The following TRPS1 variants were observed in gnomAD, a reference collection of about 807,000 sequenced individuals.
TRPS1 encodes zinc finger transcription factor Trps1.
A neutral mutation model predicts 101.2 loss-of-function variants in TRPS1; 6 were observed. The ratio of observed to expected loss-of-function variants is 0.06; its 90% CI spans 0.03 to 0.12. The LOEUF (loss-of-function observed/expected upper bound fraction) is 0.12. TRPS1 is among the 10% of genes least tolerant of loss of function. The probability of loss-of-function intolerance (pLI) is 1.00; values close to 1 mark genes in which losing one functional copy is unlikely to be tolerated. For synonymous variants in TRPS1, 578 were observed against 589.8 expected, an observed-to-expected ratio of 0.98 and a Z score of 0.29; for missense variants, 1,363 against 1,567.0, an observed-to-expected ratio of 0.87 and a Z score of 2.20.
intron 5 of TRPS1, among the ~76,000 whole-genome samples, chr8:115,545,337 C>T (rs943430184): frequency 6.6e-6 from 1 of 152,154 alleles, no homozygotes; most frequent in Non-Finnish European, 1.5e-5. Flanking sequence ...ACGAATTATA[C>T]TTTTCCTTCC....
intron 5 of TRPS1, among the ~76,000 whole-genome samples, chr8:115,442,907 CG>C (rs1396514175): frequency 6.6e-6 from 1 of 151,616 alleles, no homozygotes; most frequent in African/African-American, 2.4e-5. Flanking sequence ...CTGGCTAACA[CG>C]GTGAAAACCC....
At chr8:115,461,892 C>T (rs553811914) in intron 5 of TRPS1, among the ~76,000 whole-genome samples, 5 of 151,834 alleles carry the variant, frequency 3.3e-5, no homozygotes, top group Non-Finnish European at 5.9e-5. Flanking sequence ...AATAATATAA[C>T]GAAAGTAAAA....
intron 5 of TRPS1, among the ~76,000 whole-genome samples, chr8:115,552,259 A>G (rs1451042432): frequency 6.6e-6 from 1 of 152,174 alleles, no homozygotes; most frequent in African/African-American, 2.4e-5. Context: ...AGTGTGCTAC[A>G]AGACCTTTTC....
chr8:115,460,173 T>C (rs1814131659), intron 5 of TRPS1, among the ~76,000 whole-genome samples: 1 of 152,262 alleles, frequency 6.6e-6, no homozygotes, highest in East Asian at 1.9e-4. Context: ...ATGTTCAGTA[T>C]ATTAATAAAT....
chr8:115,478,346 A>T (rs1814657692), intron 5 of TRPS1, among the ~76,000 whole-genome samples: 1 of 152,146 alleles, frequency 6.6e-6, no homozygotes, highest in Non-Finnish European at 1.5e-5. Context: ...ACATAACTCA[A>T]TTTTTTCAAA....
chr8:115,633,130 T>A (rs921554785), intron 1 of TRPS1, among the ~76,000 whole-genome samples: 1 of 152,022 alleles, frequency 6.6e-6, no homozygotes, highest in Non-Finnish European at 1.5e-5. Flanking sequence ...CGCCTCAGGC[T>A]GAATTGTACG....
chr8:115,537,152 T>C (rs1005198845), intron 5 of TRPS1, among the ~76,000 whole-genome samples: 10 of 152,158 alleles, frequency 6.6e-5, no homozygotes, highest in African/African-American at 2.2e-4. Flanking sequence ...TAAATCCAAA[T>C]ATATTTTTTA....
Position 115,649,533 on chromosome 8 carries a change from T to C in TRPS1, c.-122+19012A>G, listed in dbSNP as rs143482275. ...CAAGTGAAGACAACATACAGCACAC[T>C]GCTCAACCAGTGTGAATCAGGATCA... On this transcript the variant is annotated intron_variant, in intron 1 of 6. Coordinates refer to ENST00000395715, the MANE Select transcript of TRPS1 (RefSeq NM_014112.5). 1.6e-4 allele frequency among the ~76,000 whole-genome samples: 24 copies of C among 152,298 alleles called. No homozygotes were observed. In the East Asian group the frequency reaches 3.5e-3, roughly 22 times the overall value.
At chr8:115,507,244 G>A (rs1022825843) in intron 5 of TRPS1, among the ~76,000 whole-genome samples, 1 of 152,024 alleles carries the variant, frequency 6.6e-6, no homozygotes, top group African/African-American at 2.4e-5. Flanking sequence ...ATTAGGGCTC[G>A]TACGAGAAGA....
At chr8:115,576,020 G>C (rs533891137) in intron 5 of TRPS1, among the ~76,000 whole-genome samples, 2 of 152,254 alleles carry the variant, frequency 1.3e-5, no homozygotes, top group South Asian at 4.1e-4. Context: ...CCAAGAAACT[G>C]AGGAAGGAGA....
rs988990987 is a variant in TRPS1 at position 115,414,065 on chromosome 8, C to T, written c.3843G>A (p.Arg1281=). ...FTTHIQRGLH[R]NNAQVEKNGK... is the part of the protein sequence containing the mutation. The stretch of plus-strand genomic sequence containing the variant: ...CATTTTTTTCCACTTGTGCATTGTT[C>T]CTATGCAGGCCCCTCTGGATATGTG... Residue 1281 remains arginine (R), a synonymous_variant, in exon 7 of 7, where the codon AGG becomes AGA. Transcript: ENST00000395715. This position sits in a 1 kb window ranked among gnomAD's most constrained non-coding sequence, Gnocchi z 4.8. 6.2e-7 allele frequency: 1 copy of T among 1,613,532 alleles called. No homozygotes were observed. The highest frequency in any genetic ancestry group is 8.5e-7 in the Non-Finnish European group (1 of 1,179,790).
intron 5 of TRPS1, among the ~76,000 whole-genome samples, chr8:115,503,526 G>C (rs1479015932): frequency 6.6e-6 from 1 of 152,070 alleles, no homozygotes; most frequent in Non-Finnish European, 1.5e-5. Context: ...TCCTGAAACA[G>C]AGCCAAATAT....
chr8:115,439,312 T>C (rs1187833398), intron 5 of TRPS1, among the ~76,000 whole-genome samples: 1 of 152,150 alleles, frequency 6.6e-6, no homozygotes, highest in Non-Finnish European at 1.5e-5. Context: ...GTAAAAATCA[T>C]GTTACAAAGT....
chr8:115,465,882 A>AATTAAATATGT lies in TRPS1; in HGVS notation c.2701-47441_2701-47431dup, dbSNP rs1814305241. Among the ~76,000 whole-genome samples the AATTAAATATGT allele has an allele frequency of 3.9e-5, 6 of 152,108 alleles. No individual in the cohort carries two copies. In the South Asian group the frequency reaches 1.2e-3, roughly 32 times the overall value. On this transcript the variant is annotated intron_variant, in intron 5 of 6. Coordinates refer to ENST00000395715, the MANE Select transcript of TRPS1 (RefSeq NM_014112.5). ...CTCTGTTATCTATAGGAAAATTTAA[A>AATTAAATATGT]ATTAAATATGTATTTTAAAAAACAA...
chr8:115,658,064 A>C (rs890519134), intron 1 of TRPS1, among the ~76,000 whole-genome samples: 4 of 152,120 alleles, frequency 2.6e-5, no homozygotes, highest in African/African-American at 9.7e-5. Flanking sequence ...ATGATAAAGC[A>C]GGGCAGAATA....
chr8:115,470,381 C>T (rs1287505948), intron 5 of TRPS1, among the ~76,000 whole-genome samples: 1 of 152,096 alleles, frequency 6.6e-6, no homozygotes. Context: ...TTATTTAAAA[C>T]ATTTGGTGCA....
chr8:115,535,065 T>TGTATAAGC (rs1816249985), intron 5 of TRPS1, among the ~76,000 whole-genome samples: 1 of 148,094 alleles, frequency 6.8e-6, no homozygotes, highest in Non-Finnish European at 1.5e-5. Flanking sequence ...GTATAGCATA[T>TGTATAAGC]ATATAAGCAT....
intron 5 of TRPS1, among the ~76,000 whole-genome samples, chr8:115,499,012 T>C (rs1202488796): frequency 6.6e-6 from 1 of 152,102 alleles, no homozygotes; most frequent in Admixed American, 6.5e-5. Flanking sequence ...AATAAAAAAA[T>C]ACAAAATTTC....
rs559735936 is a variant in TRPS1 at position 115,629,166 on chromosome 8, C to CA, written c.-121-5409dup. Among the ~76,000 whole-genome samples the CA allele has an allele frequency of 9.2e-5, 14 of 151,412 alleles. 1 individual carries two copies. The South Asian group carries it at 1.2e-3, about 13-fold the overall frequency. Reference sequence around the variant, plus strand: ...AAGGAAAAAAACAAAAAACAAAAAACAAAAAAAACCAGTATTCCTTCACTA... The same window carrying CA: ...AAGGAAAAAAACAAAAAACAAAAAACAAAAAAAAACCAGTATTCCTTCACTA... On this transcript the variant is annotated intron_variant, in intron 1 of 6. Transcript: ENST00000395715.
Sources: allele counts gnomAD v4.1 joint callset (sites outside exome capture counted in the v4.1 genomes callset), GRCh38; gene constraint gnomAD v4.1.1; non-coding constraint Gnocchi (gnomAD v3.1); transcripts MANE v1.5; gene names NCBI Gene and HGNC (gene_info 2026-07-23, HGNC 2026-07-21).